The following GOLIM4 variants were observed in gnomAD, a reference collection of about 807,000 sequenced individuals.
GOLIM4 encodes the protein golgi integral membrane protein 4.
In GOLIM4, 71 loss-of-function variants were observed where a neutral mutation model predicts 107.4. The ratio of observed to expected loss-of-function variants is 0.66; its 90% confidence interval spans 0.55 to 0.81. The LOEUF is 0.81. Ranked by LOEUF, GOLIM4 falls within the 30% of genes least tolerant of loss-of-function variation. The pLI, the probability that GOLIM4 is intolerant of heterozygous loss-of-function variation, is 0.00. For synonymous variants in GOLIM4, 327 were observed against 294.8 expected (o/e 1.11, Z -1.12); for missense variants, 830 against 826.1 (o/e 1.00, Z -0.06).
At chr3:168,029,382 G>T in intron 10 of GOLIM4, 80 bp from the exon 11 acceptor site, 1 of 896,798 alleles carries the variant, frequency 1.1e-6, no homozygotes, top group Non-Finnish European at 1.8e-6. Flanking sequence ...TATCTTTAAA[G>T]ACAGTAATAA....
intron 1 of GOLIM4, among the ~76,000 whole-genome samples, chr3:168,069,854 C>T (rs971981845): frequency 2.6e-5 from 4 of 152,168 alleles, no homozygotes; most frequent in African/African-American, 7.2e-5. Flanking sequence ...ATTTATGTCA[C>T]TTCTATTTTT....
Position 168,008,864 on chromosome 3 carries a change from G to T in GOLIM4, c.*1405C>A, listed in dbSNP as rs1257899795. On this transcript the variant is annotated 3_prime_UTR_variant, in exon 16 of 16. Coordinates refer to ENST00000470487, the MANE Select transcript of GOLIM4 (RefSeq NM_014498.5). ...AATGGGTTTTTATACATAAAGGTAA[G>T]ATTTCTGATTATTGGAAATACAAAG... 2 of 152,008 alleles carry T rather than the reference G, an allele frequency of 1.3e-5. No individual in the cohort carries two copies. The highest frequency in any genetic ancestry group is 4.8e-5 in the African/African-American group (2 of 41,396). The allele number at this position is 152,008 out of a possible 1,614,324, so 9.4% of individuals were successfully genotyped here. A position where few individuals can be genotyped will look rare whatever the true frequency, so the allele number is the denominator to read the frequency against.
chr3:168,073,814 A>G (rs75827057), intron 1 of GOLIM4, among the ~76,000 whole-genome samples: 21,615 of 152,202 alleles, frequency 0.14, 1,982 homozygotes, highest in South Asian at 0.25. Flanking sequence ...TCTTAAAAGC[A>G]GCTGTGAGAT....
intron 1 of GOLIM4, among the ~76,000 whole-genome samples, chr3:168,075,903 CAATAT>C (rs529442719): frequency 3.4e-4 from 51 of 152,000 alleles, no homozygotes; most frequent in Non-Finnish European, 5.6e-4. Context: ...TTCTAAAGGC[CAATAT>C]AATAAGTGAC....
chr3:168,013,910 A>G (rs920522825), intron 14 of GOLIM4, among the ~76,000 whole-genome samples: 32 of 151,676 alleles, frequency 2.1e-4, no homozygotes, highest in East Asian at 1.2e-3. Context: ...GGAAATTTAT[A>G]GCACTGAATG....
At chr3:168,051,731 C>T (rs574590927) in intron 1 of GOLIM4, among the ~76,000 whole-genome samples, 2 of 152,304 alleles carry the variant, frequency 1.3e-5, no homozygotes, top group South Asian at 4.1e-4. Context: ...ACAGCAGCTT[C>T]TAATCCTGAT....
Position 168,027,928 on chromosome 3 carries a change from A to G in GOLIM4, c.1514-91T>C, listed in dbSNP as rs111793973. On this transcript the variant is annotated intron_variant, in intron 11 of 15. Transcript: ENST00000470487. ...AGAAAAGCCACCAGTGGACTTTTCTACAGACTACAATACCTCCACCTCTGT... is the reference window on the plus strand; with the variant it reads ...AGAAAAGCCACCAGTGGACTTTTCTGCAGACTACAATACCTCCACCTCTGT... 88 of 781,936 alleles carry G rather than the reference A, an allele frequency of 1.1e-4. 1 individual carries two copies. The African/African-American group carries it at 1.3e-3, about 11-fold the overall frequency. 48.4% of individuals were successfully genotyped at this position (781,936 alleles called of 1,614,324 possible). A position where few individuals can be genotyped will look rare whatever the true frequency, so the allele number is the denominator to read the frequency against.
At chr3:168,044,691 A>G (rs1719201985) in intron 4 of GOLIM4, 137 bp downstream of exon 4, 2 of 598,954 alleles carry the variant, frequency 3.3e-6, no homozygotes, top group Non-Finnish European at 5.9e-6. Context: ...TTTTAGCCAA[A>G]TAAGATTTTA....
At chr3:168,043,067 T>A (rs534356988) in intron 5 of GOLIM4, among the ~76,000 whole-genome samples, 1 of 152,284 alleles carries the variant, frequency 6.6e-6, no homozygotes, top group East Asian at 1.9e-4. Context: ...TAGGTAAGGA[T>A]CAGAGATGCT....
Position 168,036,855 on chromosome 3 carries a change from G to T in GOLIM4, c.824C>A (p.Pro275Gln). 1.2e-6 allele frequency: 2 copies of T among 1,612,894 alleles called. No individual in the cohort carries two copies. Among genetic ancestry groups the T allele is most frequent in the Non-Finnish European group, 1.7e-6 (2 of 1,179,238 alleles). ...CCTTACCTCCTGCACCTCTCGGGTT[G>T]GCTTCTCCCTTGCTGTGTTGTAACC... ...PQGYNTAREKPTREVQEVSRN... is the reference protein window; with the variant it reads ...PQGYNTAREKQTREVQEVSRN... Residue 275 changes from proline to glutamine, a missense_variant, in exon 8 of 16, where the codon CCA (proline) becomes CAA (glutamine). By Grantham distance (76) the Pro-to-Gln change is moderately conservative. Coordinates refer to ENST00000470487, the MANE Select transcript of GOLIM4 (RefSeq NM_014498.5).
chr3:168,093,409 T>C (rs1259254332), intron 1 of GOLIM4, among the ~76,000 whole-genome samples: 1 of 152,212 alleles, frequency 6.6e-6, no homozygotes, highest in Non-Finnish European at 1.5e-5. Flanking sequence ...AGGCACAGTG[T>C]GGTGCTGAGG....
chr3:168,073,210 C>T (rs73037494), intron 1 of GOLIM4, among the ~76,000 whole-genome samples: 2,680 of 152,248 alleles, frequency 0.018, 79 homozygotes, highest in African/African-American at 0.061. Context: ...TCATATGATC[C>T]GTATCATAGT....
At chr3:168,032,300 C>T (rs1718374306) in intron 9 of GOLIM4, among the ~76,000 whole-genome samples, 1 of 152,186 alleles carries the variant, frequency 6.6e-6, no homozygotes, top group Admixed American at 6.5e-5. Flanking sequence ...AGAATGCACA[C>T]ATACAACAGC....
chr3:168,093,882 C>T (rs1335968092), intron 1 of GOLIM4, among the ~76,000 whole-genome samples: 1 of 152,156 alleles, frequency 6.6e-6, no homozygotes, highest in Non-Finnish European at 1.5e-5. Context: ...AAATTTTTTA[C>T]TAGAAAACAC....
At chr3:168,065,010 G>C (rs1001473622) in intron 1 of GOLIM4, among the ~76,000 whole-genome samples, 3 of 151,850 alleles carry the variant, frequency 2.0e-5, no homozygotes, top group Non-Finnish European at 2.9e-5. Flanking sequence ...ATGGTGCCAA[G>C]AGATAATTTA....
chr3:168,068,567 G>T (rs1169895754), intron 1 of GOLIM4, among the ~76,000 whole-genome samples: 2 of 150,946 alleles, frequency 1.3e-5, no homozygotes, highest in Non-Finnish European at 2.9e-5. Context: ...TTAACTTAAG[G>T]ATAGTTTTTT....
At chr3:168,060,778 G>T (rs920081387) in intron 1 of GOLIM4, among the ~76,000 whole-genome samples, 6 of 152,170 alleles carry the variant, frequency 3.9e-5, no homozygotes, top group African/African-American at 7.2e-5. Context: ...TGAAAGTTTA[G>T]TAAGAGTGCC....
chr3:168,011,565 C>T (rs918227583), intron 14 of GOLIM4, among the ~76,000 whole-genome samples: 1 of 151,824 alleles, frequency 6.6e-6, no homozygotes, highest in Non-Finnish European at 1.5e-5. Context: ...GCCTGCCTGC[C>T]TCTGTAGGCT....
At chr3:168,034,041 T>C (rs1718501851) in intron 8 of GOLIM4, among the ~76,000 whole-genome samples, 2 of 152,190 alleles carry the variant, frequency 1.3e-5, no homozygotes, top group African/African-American at 4.8e-5. Context: ...TGAAATCCTA[T>C]TCTTAAATTA....
Sources: gnomAD v4.1 joint callset for allele counts (sites outside exome capture counted in the v4.1 genomes callset) on GRCh38, gnomAD v4.1.1 for gene constraint, MANE v1.5 for transcripts, NCBI Gene and HGNC (gene_info 2026-07-23, HGNC 2026-07-21) for gene names.